CADM2: variants seen among roughly 807,000 people sequenced by gnomAD.
CADM2 encodes the protein cell adhesion molecule 2.
In CADM2, 12 loss-of-function variants were observed where a neutral mutation model predicts 49.8. That is an observed-to-expected ratio of 0.24 (90% CI 0.15 to 0.39). The LOEUF (loss-of-function observed/expected upper bound fraction) is 0.39, where lower values mean the gene tolerates loss of function less well. CADM2 is among the 10% of genes least tolerant of loss of function. The probability of loss-of-function intolerance (pLI) is 1.00; values close to 1 mark genes in which losing one functional copy is unlikely to be tolerated. For missense variants in CADM2, 378 were observed against 492.3 expected, an observed-to-expected ratio of 0.77 and a Z score of 2.20; for synonymous variants, 214 against 175.4, an observed-to-expected ratio of 1.22 and a Z score of -1.74.
At chr3:85,290,807 C>G (rs1033313380) in intron 1 of CADM2, among the ~76,000 whole-genome samples, 2 of 152,110 alleles carry the variant, frequency 1.3e-5, no homozygotes, top group African/African-American at 4.8e-5. Flanking sequence ...TCATCAAAGA[C>G]CAAAAGTAGA....
intron 1 of CADM2, among the ~76,000 whole-genome samples, chr3:85,176,164 T>C (rs927516698): frequency 1.3e-5 from 2 of 152,112 alleles, no homozygotes; most frequent in Non-Finnish European, 2.9e-5. Context: ...GTCTATTTAA[T>C]GGGTTTTGAA....
chr3:85,538,675 G>A (rs2061475981), intron 1 of CADM2, among the ~76,000 whole-genome samples: 1 of 152,016 alleles, frequency 6.6e-6, no homozygotes, highest in African/African-American at 2.4e-5. Flanking sequence ...TCAGAAAATT[G>A]TTGATGCAAT....
At chr3:85,789,769 T>G (rs1164172297) in intron 2 of CADM2, among the ~76,000 whole-genome samples, 2 of 152,156 alleles carry the variant, frequency 1.3e-5, no homozygotes, top group Non-Finnish European at 2.9e-5. Flanking sequence ...AAAAATCTAT[T>G]TTTGTTATGA....
intron 1 of CADM2, among the ~76,000 whole-genome samples, chr3:85,317,004 T>C (rs1240688499): frequency 6.6e-6 from 1 of 152,004 alleles, no homozygotes; most frequent in Non-Finnish European, 1.5e-5. Context: ...TGAGCCAGTG[T>C]AAAATGGGTA....
intron 1 of CADM2, among the ~76,000 whole-genome samples, chr3:85,629,674 C>G (rs1169135862): frequency 6.6e-6 from 1 of 151,842 alleles, no homozygotes; most frequent in Non-Finnish European, 1.5e-5. Flanking sequence ...TCTTTAGACA[C>G]AAGGAGAATA....
intron 1 of CADM2, among the ~76,000 whole-genome samples, chr3:85,177,093 A>G (rs2040805137): frequency 6.6e-6 from 1 of 152,172 alleles, no homozygotes; most frequent in African/African-American, 2.4e-5. Context: ...GGAGAGAGAA[A>G]CAGTGCAAGT....
intron 1 of CADM2, among the ~76,000 whole-genome samples, chr3:85,700,498 T>G (rs1370482341): frequency 1.3e-5 from 2 of 152,114 alleles, no homozygotes; most frequent in Non-Finnish European, 2.9e-5. Context: ...GTAAATAAAA[T>G]ATATAAGTTC....
At chr3:85,153,798 C>G (rs1325600860) in intron 1 of CADM2, among the ~76,000 whole-genome samples, 1 of 152,188 alleles carries the variant, frequency 6.6e-6, no homozygotes, top group Non-Finnish European at 1.5e-5. Context: ...CCCGAGCTGC[C>G]TAACTGGGAG....
chr3:85,814,618 G>T (rs933649366), intron 3 of CADM2, among the ~76,000 whole-genome samples: 1 of 151,904 alleles, frequency 6.6e-6, no homozygotes, highest in African/African-American at 2.4e-5. Flanking sequence ...CAGATAGACT[G>T]CTAGCCAGAC....
rs943111641 is a variant in CADM2 at position 85,339,530 on chromosome 3, C to CT, written c.61+379870dup. Among the ~76,000 whole-genome samples the CT allele has an allele frequency of 2.9e-3, 435 of 149,936 alleles. 3 individuals are homozygous for CT. The highest frequency in any genetic ancestry group is 0.01 in the African/African-American group (415 of 40,340). ...AATTTTTCTGTGCCCTTCCTTTCAT[C>CT]TTTTTTTTCTCCTTTTTTTTCTTTC... On this transcript the variant is annotated intron_variant, in intron 1 of 9. Transcript: ENST00000383699.
chr3:85,914,457 T>TA (rs1478979473), intron 6 of CADM2, among the ~76,000 whole-genome samples: 1 of 152,128 alleles, frequency 6.6e-6, no homozygotes, highest in Non-Finnish European at 1.5e-5. Flanking sequence ...TCTCAAAATA[T>TA]AAAAAATTGT....
chr3:85,641,825 G>T (rs997449643), intron 1 of CADM2, among the ~76,000 whole-genome samples: 4 of 151,940 alleles, frequency 2.6e-5, no homozygotes, highest in Non-Finnish European at 4.4e-5. Flanking sequence ...CAGCTACTCG[G>T]GAGGCTGAGG....
At chr3:85,484,475 T>C (rs1040465748) in intron 1 of CADM2, among the ~76,000 whole-genome samples, 7 of 151,970 alleles carry the variant, frequency 4.6e-5, no homozygotes, top group Non-Finnish European at 1.0e-4. Context: ...AATGAATCTA[T>C]ACAACCTTGC....
intron 1 of CADM2, among the ~76,000 whole-genome samples, chr3:85,713,642 C>T (rs2067192445): frequency 6.6e-6 from 1 of 152,156 alleles, no homozygotes; most frequent in Admixed American, 6.5e-5. Context: ...TGTGATTTTT[C>T]CTCCTGTCAC....
At chr3:85,139,079 G>A (rs1479690118) in intron 1 of CADM2, among the ~76,000 whole-genome samples, 1 of 152,088 alleles carries the variant, frequency 6.6e-6, no homozygotes, top group Non-Finnish European at 1.5e-5. Context: ...TATCTGTGTG[G>A]CTGTATACAA....
intron 1 of CADM2, among the ~76,000 whole-genome samples, chr3:85,304,881 T>A (rs1414576828): frequency 1.3e-5 from 2 of 151,760 alleles, no homozygotes; most frequent in East Asian, 3.9e-4. Flanking sequence ...TACTTATGAC[T>A]CTCTATTTCC....
chr3:85,961,154 G>A (rs1724760137), intron 7 of CADM2, among the ~76,000 whole-genome samples: 1 of 150,890 alleles, frequency 6.6e-6, no homozygotes, highest in Non-Finnish European at 1.5e-5. Context: ...GTCTTCCAAT[G>A]TGGGGTGTGA....
At chr3:85,677,220 A>G (rs1011133847) in intron 1 of CADM2, among the ~76,000 whole-genome samples, 1 of 144,102 alleles carries the variant, frequency 6.9e-6, no homozygotes, top group Non-Finnish European at 1.5e-5. Flanking sequence ...AGATTTTAGG[A>G]TTAATTGTCA....
intron 2 of CADM2, among the ~76,000 whole-genome samples, chr3:85,736,993 A>G (rs2068166426): frequency 6.6e-6 from 1 of 152,204 alleles, no homozygotes; most frequent in Non-Finnish European, 1.5e-5. Context: ...AAATTAACTG[A>G]ACTTGAATTA....
Sources: allele counts gnomAD v4.1 joint callset (sites outside exome capture counted in the v4.1 genomes callset), GRCh38; gene constraint gnomAD v4.1.1; transcripts MANE v1.5; gene names NCBI Gene and HGNC (gene_info 2026-07-23, HGNC 2026-07-21).